Variants in LDHD observed in about 807,000 individuals in gnomAD.
LDHD encodes D-lactate dehydrogenase, mitochondrial.
Under a neutral mutation model 52.9 loss-of-function variants are expected in LDHD, and 58 were observed. That is an observed-to-expected ratio of 1.10 (90% CI 0.89 to 1.36). The LOEUF (loss-of-function observed/expected upper bound fraction) is 1.36. LDHD is among the 40% of genes most tolerant of loss of function. LDHD has a pLI of 0.00. For missense variants in LDHD, 747 were observed against 668.0 expected (o/e 1.12, Z -1.30); for synonymous variants, 350 against 288.6 (o/e 1.21, Z -2.16).
In LDHD at chr16:75,114,581, C is replaced by G. The variant is rs376033015; in HGVS notation, c.574G>C (p.Val192Leu). 1 of 1,533,490 alleles carries G rather than the reference C, an allele frequency of 6.5e-7. No individual in the cohort carries two copies. 95.0% of individuals were successfully genotyped at this position (1,533,490 alleles called of 1,614,324 possible). A position where few individuals can be genotyped will look rare whatever the true frequency, so the allele number is the denominator to read the frequency against. The change falls in exon 5 of 11, where the codon GTG (valine) becomes CTG (leucine). Residue 192 changes from valine to leucine, a missense_variant. Val to Leu is a conservative substitution (Grantham distance 32). Transcript: ENST00000450168. ...AGCAGCCGCCCGTCGGGCAGCACCA[C>G]CTCCAGGTTGAGCACGTTGTCCCGC... Reference protein sequence around the residue: ...TMRDNVLNLEVVLPDGRLLHT... With the variant: ...TMRDNVLNLELVLPDGRLLHT...
chr16:75,115,276 G>T lies in LDHD; in HGVS notation c.249C>A (p.Ala83=). The change falls in exon 3 of 11, where the codon GCC becomes GCA. Residue 83 remains alanine, a synonymous_variant. Coordinates refer to ENST00000450168, the MANE Select transcript of LDHD (RefSeq NM_194436.3). ...TGGGCACACCTTGGCGATAGCACAGGGCTGCCAGCCGGCTGACCTGCTCCA... is the reference window on the plus strand; with the variant it reads ...TGGGCACACCTTGGCGATAGCACAGTGCTGCCAGCCGGCTGACCTGCTCCA... ...QNVEQVSRLA[A]LCYRQGVPII... 6.2e-7 allele frequency: 1 copy of T among 1,613,502 alleles called. No individual in the cohort carries two copies. Among genetic ancestry groups the T allele is most frequent in the Non-Finnish European group, 8.5e-7 (1 of 1,180,020 alleles).
Position 75,115,295 on chromosome 16 carries a change from T to C in LDHD, c.230A>G (p.Gln77Arg). ...GCACAGGGCTGCCAGCCGGCTGACC[T>C]GCTCCACGTTCTGGGGCCACACCAC... ...DAVVWPQNVEQVSRLAALCYR... is the reference protein window; with the variant it reads ...DAVVWPQNVERVSRLAALCYR... The change falls in exon 3 of 11, where the codon CAG (glutamine) becomes CGG (arginine). Residue 77 changes from glutamine (Q) to arginine (R), a missense_variant. Transcript: ENST00000450168. 1 of 1,613,588 alleles carries C rather than the reference T, an allele frequency of 6.2e-7. No individual in the cohort carries two copies. Among genetic ancestry groups the C allele is most frequent in the Middle Eastern group, 1.6e-4 (1 of 6,062 alleles).
Position 75,113,850 on chromosome 16 carries a change from T to C in LDHD, c.850A>G (p.Met284Val). Residue 284 changes from methionine (M) to valine (V), a missense_variant, in exon 7 of 11, where the codon ATG becomes GTG. Physicochemically the swap from Met to Val is conservative, Grantham distance 21. Coordinates refer to ENST00000450168, the MANE Select transcript of LDHD (RefSeq NM_194436.3). ...TTGCTGTACCTGTTGCAGGCATCCATCATGACTTCATCCAGGAACTCTGGA... is the reference window on the plus strand; with the variant it reads ...TTGCTGTACCTGTTGCAGGCATCCACCATGACTTCATCCAGGAACTCTGGA... The part of the protein sequence containing the change: ...ARIEFLDEVM[M>V]DACNRYSKLN... 3 of 1,613,964 alleles carry C rather than the reference T, an allele frequency of 1.9e-6. No homozygotes were observed. The highest frequency in any genetic ancestry group is 2.2e-5 in the East Asian group (1 of 44,868).
intron 8 of LDHD, among the ~76,000 whole-genome samples, chr16:75,113,262 C>T (rs1384507343): frequency 6.6e-6 from 1 of 152,234 alleles, no homozygotes; most frequent in Non-Finnish European, 1.5e-5. Context: ...AGCCTTCCTT[C>T]CATGTACAGC....
chr16:75,113,669 T>C lies in LDHD; in HGVS notation c.959-7A>G, dbSNP rs753925578. 6.2e-7 allele frequency: 1 copy of C among 1,613,060 alleles called. No individual in the cohort carries two copies. Among genetic ancestry groups the C allele is most frequent in the South Asian group, 1.1e-5 (1 of 91,068 alleles). ...TTCTGCTGGACTATCTCCTCTGCAG[T>C]TGGGGAAGGGGGGCTGACACCGGGC... On this transcript the variant is annotated splice_polypyrimidine_tract_variant and splice_region_variant and intron_variant, in intron 7 of 10. Coordinates refer to ENST00000450168, the MANE Select transcript of LDHD (RefSeq NM_194436.3).
chr16:75,115,911 A>G (rs1055003603), intron 1 of LDHD, among the ~76,000 whole-genome samples: 2 of 144,854 alleles, frequency 1.4e-5, no homozygotes, highest in African/African-American at 2.5e-5. Flanking sequence ...AATTTTTTTA[A>G]TGTTTTCTTT....
At position 75,112,878 on chromosome 16, in the gene LDHD, A is replaced by ATC; in HGVS notation, c.1131_1132dup (p.Ile378ArgfsTer10). The ATC allele has an allele frequency of 6.2e-7, 1 of 1,613,364 alleles. No individual in the cohort carries two copies. The highest frequency in any genetic ancestry group is 1.1e-5 in the South Asian group (1 of 91,062). On this transcript the variant is annotated frameshift_variant, in exon 9 of 11. Coordinates refer to ENST00000450168, the MANE Select transcript of LDHD (RefSeq NM_194436.3). LOFTEE classifies it high-confidence loss of function. ...CAGATCCTCCTTGGTCTGCACCACG[A>ATC]TCTCCGGCAGCCGGGAGATGGGCAC...
chr16:75,112,271 T>A lies in LDHD; in HGVS notation c.*85A>T. On this transcript the variant is annotated 3_prime_UTR_variant, in exon 11 of 11. Coordinates refer to ENST00000450168, the MANE Select transcript of LDHD (RefSeq NM_194436.3). Reference sequence around the variant, plus strand: ...CAGGAAGACTGCCTCAGCATCTATTTCCTTGCAGGGGCCGTGGCATGAAGA... The same window carrying A: ...CAGGAAGACTGCCTCAGCATCTATTACCTTGCAGGGGCCGTGGCATGAAGA... 6.8e-7 allele frequency: 1 copy of A among 1,471,370 alleles called. No homozygotes were observed. Among genetic ancestry groups the A allele is most frequent in the South Asian group, 1.3e-5 (1 of 77,026 alleles). The allele number at this position is 1,471,370 out of a possible 1,614,324, so 91.1% of individuals were successfully genotyped here.
chr16:75,113,546 G>A lies in LDHD; in HGVS notation c.1075C>T (p.Pro359Ser). Residue 359 changes from proline (P) to serine (S), a missense_variant, in exon 8 of 11, where the codon CCA (proline) becomes TCA (serine). Pro to Ser is a moderately conservative substitution (Grantham distance 74, BLOSUM62 -1). Transcript: ENST00000450168. ...CAGCCCCAGCTCACCTTGCAGCCTG[G>A]CCGCGTGGCCAGGGCTGCGTACCAG... ...NAWYAALATR[P>S]GCKGYSTDVC... 1 of 1,608,160 alleles carries A rather than the reference G, an allele frequency of 6.2e-7. No homozygotes were observed. The highest frequency in any genetic ancestry group is 8.5e-7 in the Non-Finnish European group (1 of 1,177,588).
At position 75,112,624 on chromosome 16, in the gene LDHD, C is replaced by T; in HGVS notation, c.1267G>A (p.Ala423Thr). ...TACCTGCCCAGCTGTTCTGCAAAAG[C>T]CTTGACCCTGCCCAGTTCCTCGGCG... is the stretch of plus-strand genomic sequence containing the variant. ...DDAEELGRVK[A>T]FAEQLGRRAL... The change falls in exon 10 of 11, where the codon GCT becomes ACT. Residue 423 changes from alanine to threonine, a missense_variant. By Grantham distance (58) the Ala-to-Thr change is moderately conservative. Transcript: ENST00000450168. The T allele has an allele frequency of 2.5e-6, 4 of 1,614,160 alleles. No individual in the cohort carries two copies. The highest frequency in any genetic ancestry group is 3.4e-6 in the Non-Finnish European group (4 of 1,180,032).
chr16:75,113,452 G>GCTCA (rs2036454522), intron 8 of LDHD, 83 bp downstream of exon 8: 1 of 1,475,442 alleles, frequency 6.8e-7, no homozygotes, highest in African/African-American at 1.4e-5. Flanking sequence ...TCAGCCTGCT[G>GCTCA]CTCTGTGCAG....
chr16:75,112,705 C>G lies in LDHD; in HGVS notation c.1186G>C (p.Val396Leu). The part of the protein sequence containing the change: ...LNASGLTGSI[V>L]GHVGDGNFHC... Reference sequence around the variant, plus strand: ...AAGTTGCCGTCACCCACATGCCCGACAATGCTTCCTGGGGGCCCAGAGGAC... The same window carrying G: ...AAGTTGCCGTCACCCACATGCCCGAGAATGCTTCCTGGGGGCCCAGAGGAC... The change falls in exon 10 of 11, where the codon GTC becomes CTC. Residue 396 changes from valine to leucine, a missense_variant. Coordinates refer to ENST00000450168, the MANE Select transcript of LDHD (RefSeq NM_194436.3). The G allele has an allele frequency of 6.2e-7, 1 of 1,613,900 alleles. No individual in the cohort carries two copies. The highest frequency in any genetic ancestry group is 8.5e-7 in the Non-Finnish European group (1 of 1,179,858).
rs78008482 is a variant in LDHD, at chr16:75,112,615, C to T, written c.1276G>A (p.Glu426Lys). Reference sequence around the variant, plus strand: ...CTTTGCTCCTACCTGCCCAGCTGTTCTGCAAAAGCCTTGACCCTGCCCAGT... The same window carrying T: ...CTTTGCTCCTACCTGCCCAGCTGTTTTGCAAAAGCCTTGACCCTGCCCAGT... ...EELGRVKAFA[E>K]QLGRRALALH... is the part of the protein sequence containing the mutation. Residue 426 changes from glutamate to lysine, a missense_variant, in exon 10 of 11, where the codon GAA becomes AAA. Physicochemically the swap from Glu to Lys is moderately conservative, Grantham distance 56. Transcript: ENST00000450168. The T allele has an allele frequency of 2.8e-3, 4,440 of 1,614,144 alleles. 105 individuals carry two copies. In the Admixed American group the frequency reaches 0.042, roughly 15 times the overall value.
At chr16:75,113,923 T>C (rs2036472395) in intron 6 of LDHD, 43 bp downstream of exon 6, 1 of 1,608,920 alleles carries the variant, frequency 6.2e-7, no homozygotes, top group Non-Finnish European at 8.5e-7. Flanking sequence ...CCAGGGGGCC[T>C]CTTCCAGGGA....
intron 3 of LDHD, 49 bp from the exon 4 acceptor site, chr16:75,115,017 G>C (rs1380351289): frequency 6.3e-7 from 1 of 1,577,302 alleles, no homozygotes; most frequent in Non-Finnish European, 8.6e-7. Context: ...TCTCTGACCT[G>C]GCCACGTCCC....
Position 75,113,843 on chromosome 16 carries a change from G to T in LDHD, c.857C>A (p.Ala286Asp). 6.2e-7 allele frequency: 1 copy of T among 1,614,042 alleles called. No homozygotes were observed. The highest frequency in any genetic ancestry group is 1.1e-5 in the South Asian group (1 of 91,090). Residue 286 changes from alanine to aspartate, a missense_variant, in exon 7 of 11, where the codon GCC becomes GAC. Coordinates refer to ENST00000450168, the MANE Select transcript of LDHD (RefSeq NM_194436.3). ...ATTCAGCTTGCTGTACCTGTTGCAG[G>T]CATCCATCATGACTTCATCCAGGAA... ...IEFLDEVMMDACNRYSKLNCL... is the reference protein window; with the variant it reads ...IEFLDEVMMDDCNRYSKLNCL...
In LDHD at chr16:75,114,562, C is replaced by A; in HGVS notation, c.593G>T (p.Arg198Leu). The change falls in exon 5 of 11, where the codon CGG (arginine) becomes CTG (leucine). Residue 198 changes from arginine to leucine, a missense_variant. Arg to Leu is a moderately radical substitution (Grantham distance 102). Coordinates refer to ENST00000450168, the MANE Select transcript of LDHD (RefSeq NM_194436.3). ...GCCTCGGCCCGCCGTGTGCAGCAGC[C>A]GCCCGTCGGGCAGCACCACCTCCAG... ...LNLEVVLPDG[R>L]LLHTAGRGRH... is the part of the protein sequence containing the mutation. The A allele has an allele frequency of 6.5e-7, 1 of 1,530,960 alleles. No homozygotes were observed. Among genetic ancestry groups the A allele is most frequent in the Non-Finnish European group, 8.7e-7 (1 of 1,143,788 alleles). The allele number at this position is 1,530,960 out of a possible 1,614,324, so 94.8% of individuals were successfully genotyped here. A position where few individuals can be genotyped will look rare whatever the true frequency, so the allele number is the denominator to read the frequency against.
chr16:75,113,275 C>T (rs1191044432), intron 8 of LDHD, among the ~76,000 whole-genome samples: 1 of 152,224 alleles, frequency 6.6e-6, no homozygotes, highest in African/African-American at 2.4e-5. Flanking sequence ...TGTACAGCTC[C>T]CAAGAGCACC....
At position 75,113,643 on chromosome 16, in the gene LDHD, G is replaced by C. The variant is rs145679194; in HGVS notation, c.978C>G (p.Asn326Lys). The C allele has an allele frequency of 1.2e-6, 2 of 1,613,378 alleles. No homozygotes were observed. Among genetic ancestry groups the C allele is most frequent in the South Asian group, 2.2e-5 (2 of 91,090 alleles). ...LQRTEEIVQQ[N>K]GASDFSWAKE... ...TGGCCCAGGAGAAGTCAGAGGCTCC[G>C]TTCTGCTGGACTATCTCCTCTGCAG... The change falls in exon 8 of 11, where the codon AAC becomes AAG. Residue 326 changes from asparagine (N) to lysine (K), a missense_variant. Physicochemically the swap from Asn to Lys is moderately conservative, Grantham distance 94. Coordinates refer to ENST00000450168, the MANE Select transcript of LDHD (RefSeq NM_194436.3).
Sources: gnomAD v4.1 joint callset for allele counts (sites outside exome capture counted in the v4.1 genomes callset) on GRCh38, gnomAD v4.1.1 for gene constraint, MANE v1.5 for transcripts, NCBI Gene and HGNC (gene_info 2026-07-23, HGNC 2026-07-21) for gene names.